Variants in DGKH observed in about 807,000 individuals in gnomAD.
The protein encoded by DGKH is DAG kinase eta.
Under a neutral mutation model 159.3 loss-of-function variants are expected in DGKH, and 90 were observed. The observed-to-expected ratio is 0.57, with a 90% CI of 0.48 to 0.67. DGKH has a LOEUF of 0.67. DGKH is among the 30% of genes least tolerant of loss of function. DGKH has a pLI of 0.00. For synonymous variants in DGKH, 536 were observed against 553.8 expected (o/e 0.97, Z 0.45); for missense variants, 1,181 against 1,506.1 (o/e 0.78, Z 3.57).
downstream of DGKH, among the ~76,000 whole-genome samples, chr13:42,244,821 G>A (rs909278820): frequency 2.8e-5 from 4 of 143,518 alleles, no homozygotes; most frequent in South Asian, 2.3e-4. Flanking sequence ...GGAGAATGGC[G>A]TGAACCCGGG....
At chr13:42,174,193 G>T in intron 12 of DGKH, 49 bp downstream of exon 12, 2 of 1,362,610 alleles carry the variant, frequency 1.5e-6, no homozygotes. Context: ...TGGATATCTT[G>T]AGAAAAAAAA....
At position 42,150,230 on chromosome 13, in the gene DGKH, G is replaced by A. The variant is rs201906835; in HGVS notation, c.385-5061G>A. On this transcript the variant is annotated intron_variant, in intron 3 of 29. Coordinates refer to ENST00000337343, the MANE Select transcript of DGKH (RefSeq NM_178009.5). ...ATATCTTAACCTTTTTATTTCTGTT[G>A]AACAGTTGTTTTTTATGACCTTTGA... is the stretch of plus-strand genomic sequence containing the variant. Among the ~76,000 whole-genome samples, 17 of 152,054 alleles carry A rather than the reference G, an allele frequency of 1.1e-4. No individual in the cohort carries two copies. In the East Asian group the frequency reaches 3.1e-3, roughly 28 times the overall value.
intron 29 of DGKH, among the ~76,000 whole-genome samples, chr13:42,251,950 C>T (rs1322684916): frequency 6.6e-6 from 1 of 152,204 alleles, no homozygotes; most frequent in Non-Finnish European, 1.5e-5. Flanking sequence ...CATCACGCTG[C>T]ACAAAGTTTG....
chr13:42,254,237 T>C (rs1958641427), intron 30 of DGKH, among the ~76,000 whole-genome samples: 1 of 152,244 alleles, frequency 6.6e-6, no homozygotes. Flanking sequence ...TGGCATGAGA[T>C]AGTGAAATAC....
chr13:42,085,672 A>G (rs929381865), intron 1 of DGKH, among the ~76,000 whole-genome samples: 1 of 152,248 alleles, frequency 6.6e-6, no homozygotes, highest in Admixed American at 6.5e-5. Context: ...AAAACGAGCC[A>G]GAGTTTGATT....
intron 1 of DGKH, chr13:42,069,095 A>G: frequency 1.4e-6 from 2 of 1,404,150 alleles, no homozygotes; most frequent in Non-Finnish European, 2.0e-6. Context: ...ATTAAAGAGG[A>G]ACTCCTCACT....
In DGKH at chr13:42,159,327, T is replaced by C; in HGVS notation, c.684T>C (p.Thr228=). The change falls in exon 6 of 30, where the codon ACT becomes ACC. Residue 228 remains threonine (T), a synonymous_variant. Transcript: ENST00000337343. ...AVRATNNCKW[T]TLASIGKDII... ...GAGCAACAAATAACTGTAAATGGAC[T>C]ACCCTGGCCTCCATCGGGAAGGACA... 1.3e-6 allele frequency: 2 copies of C among 1,534,224 alleles called. No homozygotes were observed. Among genetic ancestry groups the C allele is most frequent in the South Asian group, 1.1e-5 (1 of 90,132 alleles).
intron 1 of DGKH, among the ~76,000 whole-genome samples, chr13:42,115,107 A>G (rs1395532022): frequency 6.6e-6 from 1 of 152,232 alleles, no homozygotes; most frequent in Non-Finnish European, 1.5e-5. Flanking sequence ...GTGGAGGCGG[A>G]AGTGGAACCC....
intron 1 of DGKH, among the ~76,000 whole-genome samples, chr13:42,050,765 G>A (rs981033188): frequency 6.6e-6 from 1 of 152,168 alleles, no homozygotes; most frequent in Non-Finnish European, 1.5e-5. Flanking sequence ...CAAGGTACCT[G>A]AGGATCACTT....
intron 15 of DGKH, 65 bp from the exon 16 acceptor site, chr13:42,190,338 A>G: frequency 1.3e-6 from 2 of 1,552,332 alleles, no homozygotes; most frequent in Non-Finnish European, 1.7e-6. Context: ...TTTCCTGAGC[A>G]TATCTTAATA....
intron 3 of DGKH, among the ~76,000 whole-genome samples, chr13:42,130,418 T>C (rs1024822297): frequency 1.1e-4 from 16 of 152,252 alleles, no homozygotes; most frequent in African/African-American, 3.6e-4. Flanking sequence ...CCACCATGTG[T>C]TAAGCACAAG....
intron 1 of DGKH, among the ~76,000 whole-genome samples, chr13:42,085,945 G>T (rs1954292837): frequency 3.3e-5 from 5 of 151,402 alleles, no homozygotes; most frequent in South Asian, 2.1e-4. Context: ...TTTTGAGACA[G>T]AGTCTTACTC....
rs1358996283 is a variant in DGKH at position 42,063,964 on chromosome 13, T to TAC, written c.192+15000_192+15001dup. On this transcript the variant is annotated intron_variant, in intron 1 of 29. Transcript: ENST00000337343. ...GAAAAAAAAAATATATATATATATA[T>TAC]ACTGTGGGCTGAGGAGAATAATCTA... Among the ~76,000 whole-genome samples, 14 of 150,830 alleles carry TAC rather than the reference T, an allele frequency of 9.3e-5. No homozygotes were observed. The East Asian group carries it at 2.0e-3, about 21-fold the overall frequency.
chr13:42,122,786 C>T lies in DGKH; in HGVS notation c.193-4677C>T, dbSNP rs566732827. Reference sequence around the variant, plus strand: ...CTTGTCATTGCATATGATGTGTGCACATATTTTGAAACATGGATCAAGAAG... The same window carrying T: ...CTTGTCATTGCATATGATGTGTGCATATATTTTGAAACATGGATCAAGAAG... On this transcript the variant is annotated intron_variant, in intron 1 of 29. Transcript: ENST00000337343. 3.9e-5 allele frequency among the ~76,000 whole-genome samples: 6 copies of T among 152,250 alleles called. No homozygotes were observed. In the South Asian group the frequency reaches 1.2e-3, roughly 32 times the overall value.
At chr13:42,059,256 C>CT (rs943109115) in intron 1 of DGKH, among the ~76,000 whole-genome samples, 48 of 144,566 alleles carry the variant, frequency 3.3e-4, no homozygotes, top group South Asian at 1.8e-3. Context: ...TGTCTTTTTT[C>CT]TTTTTTTTTT....
intron 16 of DGKH, among the ~76,000 whole-genome samples, chr13:42,192,897 A>G (rs1444165659): frequency 1.3e-5 from 2 of 152,162 alleles, no homozygotes. Context: ...TCTGTGGTGT[A>G]TTAGCACATT....
At chr13:42,040,191 G>A (rs1017184257) in intron 1 of DGKH, 1 of 152,336 alleles carries the variant, frequency 6.6e-6, no homozygotes, top group African/African-American at 2.4e-5. Flanking sequence ...CCTGCAGCGC[G>A]GGCCGCCAGC....
Position 42,155,370 on chromosome 13 carries a change from C to A in DGKH, c.464C>A (p.Ser155Tyr), listed in dbSNP as rs1315137988. 4.3e-6 allele frequency: 7 copies of A among 1,611,662 alleles called. No homozygotes were observed. The highest frequency in any genetic ancestry group is 5.9e-6 in the Non-Finnish European group (7 of 1,179,466). ...GAGGATTGGATCAGCTCACTGAAGT[C>A]TGTACAGACCAGAGAACCCTACGAG... ...EMEDWISSLK[S>Y]VQTREPYEVA... Residue 155 changes from serine (S) to tyrosine (Y), a missense_variant, in exon 4 of 30, where the codon TCT (serine) becomes TAT (tyrosine). By Grantham distance (144) the Ser-to-Tyr change is moderately radical (BLOSUM62 -2). This residue lies in a region of DGKH where 369 missense variants were observed against 519.4 expected (regional missense o/e 0.71). Transcript: ENST00000337343.
intron 1 of DGKH, among the ~76,000 whole-genome samples, chr13:42,105,791 T>C (rs1447566303): frequency 6.6e-6 from 1 of 152,220 alleles, no homozygotes; most frequent in Non-Finnish European, 1.5e-5. Context: ...AGATCTTAAA[T>C]ATGGCCTTCG....
Sources: gnomAD v4.1 joint callset for allele counts (sites outside exome capture counted in the v4.1 genomes callset) on GRCh38, gnomAD v4.1.1 for gene constraint, gnomAD v4.1.1 regional missense constraint, MANE v1.5 for transcripts, NCBI Gene and HGNC (gene_info 2026-07-23, HGNC 2026-07-21) for gene names.